The following JAZF1 variants were observed in gnomAD, a reference collection of about 807,000 sequenced individuals.
JAZF1 encodes JAZF zinc finger 1, also known as juxtaposed with another zinc finger protein 1.
Under a neutral mutation model 26.4 loss-of-function variants are expected in JAZF1, and 8 were observed. That is an observed-to-expected ratio of 0.30 (90% CI 0.18 to 0.55). The LOEUF (loss-of-function observed/expected upper bound fraction) is 0.55. Among genes scored for constraint, JAZF1 ranks in the 20% least tolerant of loss-of-function variants. The probability of loss-of-function intolerance (pLI) is 0.94; values close to 1 mark genes in which losing one functional copy is unlikely to be tolerated. For missense variants in JAZF1, 199 were observed against 322.0 expected (o/e 0.62, Z 2.92); for synonymous variants, 126 against 122.3 (o/e 1.03, Z -0.20).
At chr7:27,925,747 T>G (rs1269404257) in intron 2 of JAZF1, among the ~76,000 whole-genome samples, 1 of 152,248 alleles carries the variant, frequency 6.6e-6, no homozygotes, top group Admixed American at 6.5e-5. Flanking sequence ...TTCATTTGGA[T>G]GTTGTGTATT....
intron 2 of JAZF1, among the ~76,000 whole-genome samples, chr7:27,954,684 G>A (rs1410422207): frequency 6.6e-6 from 1 of 152,178 alleles, no homozygotes; most frequent in Non-Finnish European, 1.5e-5. Flanking sequence ...GGAGGGCAAG[G>A]CAGCATGTCA....
chr7:27,914,559 G>A (rs758540783), intron 2 of JAZF1, among the ~76,000 whole-genome samples: 3 of 152,132 alleles, frequency 2.0e-5, no homozygotes, highest in Non-Finnish European at 2.9e-5. Context: ...ATTTTCTCAT[G>A]CCTTCAGCAG....
intron 1 of JAZF1, among the ~76,000 whole-genome samples, chr7:28,094,068 A>AC (rs1784343889): frequency 6.6e-6 from 1 of 152,324 alleles, no homozygotes; most frequent in Admixed American, 6.5e-5. Flanking sequence ...ATTATTTCAG[A>AC]CAGTGATAAA....
At chr7:27,904,067 A>C (rs1784209148) in intron 2 of JAZF1, among the ~76,000 whole-genome samples, 2 of 152,194 alleles carry the variant, frequency 1.3e-5, no homozygotes, top group South Asian at 4.1e-4. Context: ...GGACAGTCTA[A>C]CATGGAGAGT....
chr7:27,896,873 T>C (rs1011422951), intron 2 of JAZF1, among the ~76,000 whole-genome samples: 3 of 152,228 alleles, frequency 2.0e-5, no homozygotes, highest in African/African-American at 7.2e-5. Flanking sequence ...TGCCTTGAGC[T>C]CTTAGGTTTT....
At chr7:27,851,715 C>T (rs772369568) in intron 3 of JAZF1, among the ~76,000 whole-genome samples, 2 of 152,126 alleles carry the variant, frequency 1.3e-5, no homozygotes, top group Non-Finnish European at 2.9e-5. Context: ...AACCAAAAAA[C>T]GAATCACACC....
At chr7:28,148,928 A>G (rs1319227218) in intron 1 of JAZF1, among the ~76,000 whole-genome samples, 1 of 152,230 alleles carries the variant, frequency 6.6e-6, no homozygotes, top group Non-Finnish European at 1.5e-5. Context: ...TGGGCAGCTG[A>G]GGAGTCCTTA....
intron 2 of JAZF1, among the ~76,000 whole-genome samples, chr7:27,972,924 CATATAT>C (rs888880787): frequency 1.4e-5 from 2 of 142,548 alleles, no homozygotes; most frequent in Non-Finnish European, 3.0e-5. Flanking sequence ...ATATTTTATG[CATATAT>C]ATGTATATGT....
intron 1 of JAZF1, among the ~76,000 whole-genome samples, chr7:28,093,882 A>G (rs866634942): frequency 1.3e-5 from 2 of 152,336 alleles, no homozygotes; most frequent in African/African-American, 4.8e-5. Context: ...TGAGCTGCAG[A>G]CAAAAGTAAG....
At chr7:27,963,619 T>C (rs1388214860) in intron 2 of JAZF1, among the ~76,000 whole-genome samples, 1 of 136,906 alleles carries the variant, frequency 7.3e-6, no homozygotes, top group Non-Finnish European at 1.5e-5. Context: ...TGGAGTGCAG[T>C]GGTGCAATCA....
chr7:27,942,892 G>A (rs1784870178), intron 2 of JAZF1, among the ~76,000 whole-genome samples: 1 of 152,186 alleles, frequency 6.6e-6, no homozygotes, highest in Non-Finnish European at 1.5e-5. Flanking sequence ...GCCTTTGCAT[G>A]GGGCAAGGGG....
intron 3 of JAZF1, among the ~76,000 whole-genome samples, chr7:27,851,214 A>G (rs1159317042): frequency 6.6e-6 from 1 of 152,244 alleles, no homozygotes; most frequent in African/African-American, 2.4e-5. Flanking sequence ...AAGTGTTGGG[A>G]TTACAGGCGT....
intron 2 of JAZF1, among the ~76,000 whole-genome samples, chr7:27,969,757 T>C (rs1785343715): frequency 6.6e-6 from 1 of 152,042 alleles, no homozygotes; most frequent in Non-Finnish European, 1.5e-5. Flanking sequence ...GTGTAAATTC[T>C]GAGCTGCAGG....
At chr7:28,047,014 C>T (rs931780295) in intron 1 of JAZF1, among the ~76,000 whole-genome samples, 1 of 152,068 alleles carries the variant, frequency 6.6e-6, no homozygotes, top group African/African-American at 2.4e-5. Context: ...TCTTGTCATG[C>T]TTTTAAAGGA....
chr7:27,862,285 T>C (rs993951711), intron 3 of JAZF1, among the ~76,000 whole-genome samples: 4 of 152,290 alleles, frequency 2.6e-5, no homozygotes, highest in African/African-American at 9.6e-5. Flanking sequence ...AGGTTTGGGG[T>C]ACAATTGATC....
chr7:27,876,157 C>G (rs1358906956), intron 3 of JAZF1, among the ~76,000 whole-genome samples: 1 of 152,264 alleles, frequency 6.6e-6, no homozygotes, highest in South Asian at 2.1e-4. Flanking sequence ...TGGTAACTCA[C>G]AGCGTTGTTC....
At chr7:27,965,875 G>C (rs1286358197) in intron 2 of JAZF1, among the ~76,000 whole-genome samples, 1 of 152,136 alleles carries the variant, frequency 6.6e-6, no homozygotes, top group Non-Finnish European at 1.5e-5. Context: ...AGGCTGCAGG[G>C]TATAGAGATA....
intron 2 of JAZF1, among the ~76,000 whole-genome samples, chr7:27,949,909 G>C (rs1460233466): frequency 2.6e-5 from 4 of 152,118 alleles, no homozygotes; most frequent in African/African-American, 9.7e-5. Flanking sequence ...TCAGACACAG[G>C]TCAAAATTAT....
chr7:28,007,888 A>G (rs1782732105), intron 1 of JAZF1, among the ~76,000 whole-genome samples: 3 of 152,094 alleles, frequency 2.0e-5, no homozygotes, highest in African/African-American at 4.8e-5. Context: ...TCCCCACTAG[A>G]GTTCTTTTTT....
Sources: allele counts gnomAD v4.1 joint callset (sites outside exome capture counted in the v4.1 genomes callset), GRCh38; gene constraint gnomAD v4.1.1; transcripts MANE v1.5; gene names NCBI Gene and HGNC (gene_info 2026-07-23, HGNC 2026-07-21).